AAK1: variants seen among roughly 807,000 people sequenced by gnomAD.
AAK1 encodes the protein AP2 associated kinase 1, also known as AP2-associated protein kinase 1.
Under a neutral mutation model 116.0 loss-of-function variants are expected in AAK1, and 37 were observed. That is an observed-to-expected ratio of 0.32 (90% CI 0.25 to 0.42). The LOEUF is 0.42. Ranked by LOEUF, AAK1 falls within the 10% of genes least tolerant of loss-of-function variation. The probability of loss-of-function intolerance (pLI) is 1.00; values close to 1 mark genes in which losing one functional copy is unlikely to be tolerated. For missense variants in AAK1, 919 were observed against 1,170.6 expected (o/e 0.79, Z 3.14); for synonymous variants, 458 against 439.9 (o/e 1.04, Z -0.51).
At position 69,567,196 on chromosome 2, in the gene AAK1, C is replaced by T. The variant is rs191765548; in HGVS notation, c.164-10218G>A. Among the ~76,000 whole-genome samples the T allele has an allele frequency of 3.9e-5, 6 of 152,324 alleles. No homozygotes were observed. The East Asian group carries it at 9.6e-4, about 24-fold the overall frequency. On this transcript the variant is annotated intron_variant, in intron 2 of 21. Transcript: ENST00000409085. ...TTTGCACATGCTTCTCCCTTTGGCC[C>T]TTTCACCCCATTCTTGGCCTGAGCC...
intron 17 of AAK1, among the ~76,000 whole-genome samples, chr2:69,486,818 C>G (rs1373972763): frequency 6.6e-6 from 1 of 152,170 alleles, no homozygotes; most frequent in Non-Finnish European, 1.5e-5. Context: ...CTGGACTTGT[C>G]TCTGAAGTTC....
rs1400248861 is a variant in AAK1, at chr2:69,467,564, A to C, written c.*8305T>G. On this transcript the variant is annotated 3_prime_UTR_variant, in exon 22 of 22. Coordinates refer to ENST00000409085, the MANE Select transcript of AAK1 (RefSeq NM_014911.5). ...TCATTTCATCATGGGCTCAGTAAAGAGATACTACTGGAGTTTCCCAACCCA... is the reference window on the plus strand; with the variant it reads ...TCATTTCATCATGGGCTCAGTAAAGCGATACTACTGGAGTTTCCCAACCCA... 1 of 985,428 alleles carries C rather than the reference A, an allele frequency of 1.0e-6. No individual in the cohort carries two copies. The highest frequency in any genetic ancestry group is 1.1e-4 in the East Asian group (1 of 8,824). 61.0% of individuals were successfully genotyped at this position (985,428 alleles called of 1,614,324 possible).
intron 17 of AAK1, among the ~76,000 whole-genome samples, chr2:69,489,066 A>C (rs1675416751): frequency 6.7e-6 from 1 of 150,248 alleles, no homozygotes; most frequent in African/African-American, 2.4e-5. Flanking sequence ...GTCTCATCTC[A>C]AACTCCTGGC....
chr2:69,636,722 C>T (rs189918238), intron 2 of AAK1, among the ~76,000 whole-genome samples: 6 of 149,026 alleles, frequency 4.0e-5, no homozygotes, highest in African/African-American at 5.0e-5. Flanking sequence ...TTTTTTGAGA[C>T]GGAGACTCAC....
intron 2 of AAK1, among the ~76,000 whole-genome samples, chr2:69,573,924 G>C (rs1672191563): frequency 6.6e-6 from 1 of 151,600 alleles, no homozygotes; most frequent in Non-Finnish European, 1.5e-5. Context: ...GCCTGAACTT[G>C]GAGGGTAGAG....
chr2:69,542,141 T>C (rs1418527064), intron 5 of AAK1, among the ~76,000 whole-genome samples: 1 of 151,988 alleles, frequency 6.6e-6, no homozygotes, highest in Non-Finnish European at 1.5e-5. Context: ...TTAGGACAAT[T>C]AAAAAAAATC....
At chr2:69,620,084 C>A (rs538981301) in intron 2 of AAK1, among the ~76,000 whole-genome samples, 2 of 152,084 alleles carry the variant, frequency 1.3e-5, no homozygotes, top group African/African-American at 2.4e-5. Context: ...GTGGAGAGAC[C>A]AGTGAAGAAA....
intron 5 of AAK1, among the ~76,000 whole-genome samples, chr2:69,539,286 A>T (rs1670603581): frequency 6.6e-6 from 1 of 152,178 alleles, no homozygotes; most frequent in Non-Finnish European, 1.5e-5. Flanking sequence ...GCATTTGGCA[A>T]TACGGAGGAA....
chr2:69,528,805 A>G (rs1490034271), intron 8 of AAK1, among the ~76,000 whole-genome samples: 1 of 152,206 alleles, frequency 6.6e-6, no homozygotes, highest in African/African-American at 2.4e-5. Flanking sequence ...CCCAATATGA[A>G]TTTACTGCAT....
chr2:69,492,746 A>G (rs1157993015), intron 17 of AAK1, among the ~76,000 whole-genome samples: 5 of 150,314 alleles, frequency 3.3e-5, no homozygotes, highest in East Asian at 2.0e-4. Flanking sequence ...CTGGTTTCGA[A>G]CTCCTGACCT....
intron 2 of AAK1, among the ~76,000 whole-genome samples, chr2:69,603,957 A>G (rs1290877449): frequency 1.3e-5 from 2 of 152,182 alleles, no homozygotes; most frequent in Non-Finnish European, 2.9e-5. Context: ...ATTTTCCGAT[A>G]ATAAGAGATA....
chr2:69,553,765 T>C (rs555238778), intron 3 of AAK1, among the ~76,000 whole-genome samples: 1 of 151,534 alleles, frequency 6.6e-6, no homozygotes, highest in African/African-American at 2.4e-5. Context: ...TCAAAAAAAT[T>C]TATCTACCAT....
chr2:69,596,497 C>T (rs1383083252), intron 2 of AAK1, among the ~76,000 whole-genome samples: 2 of 152,164 alleles, frequency 1.3e-5, no homozygotes, highest in African/African-American at 4.8e-5. Flanking sequence ...GCTGGAATTA[C>T]AGGTGTGGGC....
intron 10 of AAK1, among the ~76,000 whole-genome samples, chr2:69,522,846 G>C (rs1669849676): frequency 6.6e-6 from 1 of 152,024 alleles, no homozygotes; most frequent in Admixed American, 6.5e-5. Context: ...CAAGGGTGAG[G>C]GAGGTGAGCA....
At chr2:69,486,419 C>T (rs943960585) in intron 17 of AAK1, among the ~76,000 whole-genome samples, 3 of 152,124 alleles carry the variant, frequency 2.0e-5, no homozygotes, top group Non-Finnish European at 4.4e-5. Flanking sequence ...ACAAGCTATT[C>T]ACATAGATAA....
chr2:69,597,708 A>T (rs201788739), intron 2 of AAK1: 32 of 57,154 alleles, frequency 5.6e-4, no homozygotes, highest in African/African-American at 3.0e-3. Flanking sequence ...CATCTCTACC[A>T]AAAAAAAAAA....
chr2:69,585,405 C>T (rs1159291952), intron 2 of AAK1, among the ~76,000 whole-genome samples: 1 of 152,104 alleles, frequency 6.6e-6, no homozygotes, highest in African/African-American at 2.4e-5. Context: ...CACACCACCC[C>T]AACTCCCCAA....
At chr2:69,640,081 C>CTCTCTCTCT (rs542823509) in intron 2 of AAK1, among the ~76,000 whole-genome samples, 129 of 121,722 alleles carry the variant, frequency 1.1e-3, no homozygotes, top group African/African-American at 3.9e-3. Flanking sequence ...TCTCTCTCTC[C>CTCTCTCTCT]CCCCCCACAT....
intron 2 of AAK1, among the ~76,000 whole-genome samples, chr2:69,581,340 C>A (rs909909563): frequency 6.6e-6 from 1 of 152,190 alleles, no homozygotes; most frequent in Non-Finnish European, 1.5e-5. Context: ...TCATGATCCA[C>A]CCACCTCAGC....
Sources: gnomAD v4.1 joint callset for allele counts (sites outside exome capture counted in the v4.1 genomes callset) on GRCh38, gnomAD v4.1.1 for gene constraint, MANE v1.5 for transcripts, NCBI Gene and HGNC (gene_info 2026-07-23, HGNC 2026-07-21) for gene names.